MAST4: variants seen among roughly 807,000 people sequenced by gnomAD.
MAST4 encodes microtubule associated serine/threonine kinase family member 4.
In MAST4, 89 loss-of-function variants were observed where a neutral mutation model predicts 162.7. That is an observed-to-expected ratio of 0.55 (90% CI 0.46 to 0.65). The LOEUF is 0.65. MAST4 is among the 30% of genes least tolerant of loss of function. The probability of loss-of-function intolerance (pLI) is 0.00; values close to 1 mark genes in which losing one functional copy is unlikely to be tolerated. For synonymous variants in MAST4, 1,479 were observed against 1,361.1 expected, an observed-to-expected ratio of 1.09 and a Z score of -1.91; for missense variants, 3,153 against 3,374.0, an observed-to-expected ratio of 0.93 and a Z score of 1.62.
At chr5:66,926,909 G>C (rs1764949283) in intron 4 of MAST4, among the ~76,000 whole-genome samples, 1 of 152,160 alleles carries the variant, frequency 6.6e-6, no homozygotes, top group African/African-American at 2.4e-5. Context: ...TCTGAGGGGA[G>C]AGAGGGAAAC....
intron 4 of MAST4, among the ~76,000 whole-genome samples, chr5:67,048,987 G>GTATATA (rs34164320): frequency 9.8e-6 from 1 of 102,402 alleles, no homozygotes; most frequent in African/African-American, 3.9e-5. Flanking sequence ...ATATATATAT[G>GTATATA]TATATATATA....
chr5:66,719,435 A>G (rs1390570466), intron 1 of MAST4, among the ~76,000 whole-genome samples: 3 of 152,228 alleles, frequency 2.0e-5, no homozygotes, highest in Non-Finnish European at 4.4e-5. Flanking sequence ...TCAGCTGAGT[A>G]AACACTAAGA....
Position 66,596,892 on chromosome 5 carries a change from C to T in MAST4, c.237C>T (p.Ala79=), listed in dbSNP as rs980611915. The change falls in exon 1 of 29, where the codon GCC becomes GCT. Residue 79 remains alanine (A), a synonymous_variant. Transcript: ENST00000403625. Reference sequence around the variant, plus strand: ...GCACCCTGGGCGCCCGGGCGCCCGCCGCGTGGGCTCCGGCAAGCGTGCTGC... The same window carrying T: ...GCACCCTGGGCGCCCGGGCGCCCGCTGCGTGGGCTCCGGCAAGCGTGCTGC... ...LGGTLGARAP[A]AWAPASVLLE... 84 of 1,282,204 alleles carry T rather than the reference C, an allele frequency of 6.6e-5. 1 individual carries two copies. Among genetic ancestry groups the T allele is most frequent in the Non-Finnish European group, 8.0e-5 (81 of 1,012,206 alleles). The allele number at this position is 1,282,204 out of a possible 1,614,324, so 79.4% of individuals were successfully genotyped here. A position where few individuals can be genotyped will look rare whatever the true frequency, so the allele number is the denominator to read the frequency against.
At chr5:66,834,209 G>A (rs1757798343) in intron 3 of MAST4, among the ~76,000 whole-genome samples, 2 of 152,140 alleles carry the variant, frequency 1.3e-5, no homozygotes, top group African/African-American at 4.8e-5. Flanking sequence ...GCAGGAATTG[G>A]GAAAATTTAA....
Position 67,167,052 on chromosome 5 carries a change from C to A in MAST4, c.*1C>A. 1.9e-6 allele frequency: 3 copies of A among 1,574,360 alleles called. No individual in the cohort carries two copies. Among genetic ancestry groups the A allele is most frequent in the South Asian group, 2.4e-5 (2 of 85,022 alleles). On this transcript the variant is annotated 3_prime_UTR_variant, in exon 29 of 29. Coordinates refer to ENST00000403625, the MANE Select transcript of MAST4 (RefSeq NM_001164664.2). Reference sequence around the variant, plus strand: ...CAGCCCTCACAAAAAGGCCTTGTAACGGGGAGGGCCCAGGGGCAGGACTGT... The same window carrying A: ...CAGCCCTCACAAAAAGGCCTTGTAAAGGGGAGGGCCCAGGGGCAGGACTGT...
chr5:67,051,806 G>C (rs923576591), intron 4 of MAST4, among the ~76,000 whole-genome samples: 4 of 152,084 alleles, frequency 2.6e-5, no homozygotes, highest in African/African-American at 9.7e-5. Context: ...CATTTCATAA[G>C]TATACAGATT....
chr5:66,857,935 C>CT (rs1280974637), intron 3 of MAST4, among the ~76,000 whole-genome samples: 1 of 151,800 alleles, frequency 6.6e-6, no homozygotes, highest in Non-Finnish European at 1.5e-5. Context: ...CATAAAATAT[C>CT]TTTTTTTCTA....
chr5:66,684,462 G>A (rs1748518170), intron 1 of MAST4, among the ~76,000 whole-genome samples: 1 of 152,132 alleles, frequency 6.6e-6, no homozygotes, highest in Non-Finnish European at 1.5e-5. Context: ...AGCGACAGTA[G>A]GTTCAATTAA....
At chr5:66,926,564 C>A (rs71626481) in intron 4 of MAST4, among the ~76,000 whole-genome samples, 40,522 of 138,624 alleles carry the variant, frequency 0.29, 5,672 homozygotes, top group Non-Finnish European at 0.35. Context: ...CTCTTTCTCT[C>A]TCTATATATA....
intron 1 of MAST4, among the ~76,000 whole-genome samples, chr5:66,747,097 G>GGTGTGTGTGTGTGT (rs138318051): frequency 2.1e-5 from 3 of 146,102 alleles, no homozygotes; most frequent in South Asian, 2.2e-4. Context: ...GCATGCGCAT[G>GGTGTGTGTGTGTGT]GTGTGTGTGT....
chr5:67,025,333 A>G (rs1370978980), intron 4 of MAST4, among the ~76,000 whole-genome samples: 1 of 152,218 alleles, frequency 6.6e-6, no homozygotes, highest in Non-Finnish European at 1.5e-5. Context: ...ATAAGTTTTT[A>G]ATATATCTGC....
chr5:66,864,422 G>A (rs1234312611), intron 3 of MAST4, among the ~76,000 whole-genome samples: 1 of 152,132 alleles, frequency 6.6e-6, no homozygotes, highest in Admixed American at 6.5e-5. Flanking sequence ...GGGAGCGGGC[G>A]AGCCATAGGA....
chr5:66,723,324 T>C (rs1158049902), intron 1 of MAST4, among the ~76,000 whole-genome samples: 2 of 152,148 alleles, frequency 1.3e-5, no homozygotes, highest in Non-Finnish European at 2.9e-5. Flanking sequence ...GTGGGATCTA[T>C]TTTAGATTCT....
chr5:66,719,583 A>T (rs1428287472), intron 1 of MAST4, among the ~76,000 whole-genome samples: 1 of 152,066 alleles, frequency 6.6e-6, no homozygotes, highest in Non-Finnish European at 1.5e-5. Context: ...TCTGGGATAC[A>T]TGTGCTGAAC....
chr5:66,722,884 C>T lies in MAST4; in HGVS notation c.364-36825C>T, dbSNP rs533036578. Among the ~76,000 whole-genome samples, 15 of 152,174 alleles carry T rather than the reference C, an allele frequency of 9.9e-5. No individual in the cohort carries two copies. In the East Asian group the frequency reaches 1.5e-3, roughly 16 times the overall value. ...CCGAGTCAGAGTCTAAGGCGGAGAA[C>T]GGGACACCTGCCAGATATGTAGTTG... On this transcript the variant is annotated intron_variant, in intron 1 of 28. Transcript: ENST00000403625.
chr5:66,901,142 C>T (rs1762985740), intron 4 of MAST4, among the ~76,000 whole-genome samples: 2 of 151,934 alleles, frequency 1.3e-5, no homozygotes, highest in Non-Finnish European at 2.9e-5. Flanking sequence ...CATGATGAGA[C>T]AAAAGAAAAA....
At chr5:66,965,588 G>C (rs1250396265) in intron 4 of MAST4, among the ~76,000 whole-genome samples, 5 of 4,552 alleles carry the variant, frequency 1.1e-3, no homozygotes, top group Admixed American at 7.0e-3. Context: ...TGGTGGGGGC[G>C]GGGGGGGGGG....
intron 1 of MAST4, among the ~76,000 whole-genome samples, chr5:66,621,816 A>G (rs1744094336): frequency 6.6e-6 from 1 of 152,158 alleles, no homozygotes; most frequent in African/African-American, 2.4e-5. Flanking sequence ...GAGGCAGATA[A>G]TATGTCAGGC....
intron 2 of MAST4, 79 bp from the exon 3 acceptor site, chr5:66,788,591 A>AGC: frequency 2.1e-5 from 13 of 618,914 alleles, no homozygotes; most frequent in East Asian, 1.0e-4. Context: ...AGGAAGAGAC[A>AGC]CCCCACCCCC....
Sources: allele counts gnomAD v4.1 joint callset (sites outside exome capture counted in the v4.1 genomes callset), GRCh38; gene constraint gnomAD v4.1.1; transcripts MANE v1.5; gene names NCBI Gene and HGNC (gene_info 2026-07-23, HGNC 2026-07-21).